The following ITGB4 variants were observed in gnomAD, a reference collection of about 807,000 sequenced individuals.
ITGB4 encodes the protein integrin beta-4.
A neutral mutation model predicts 207.6 loss-of-function variants in ITGB4; 159 were observed. The observed-to-expected ratio is 0.77, with a 90% CI of 0.67 to 0.87. ITGB4 has a LOEUF of 0.87. ITGB4 is among the 40% of genes least tolerant of loss of function. The probability of loss-of-function intolerance (pLI) is 0.00; values close to 1 mark genes in which losing one functional copy is unlikely to be tolerated. For synonymous variants in ITGB4, 1,020 were observed against 1,062.7 expected, an observed-to-expected ratio of 0.96 and a Z score of 0.78; for missense variants, 2,278 against 2,546.8, an observed-to-expected ratio of 0.89 and a Z score of 2.27.
In ITGB4 at chr17:75,740,429, T is replaced by C. The variant is rs764040932; in HGVS notation, c.2518T>C (p.Cys840Arg). ...CCTGCTGAAGCCTGACACTCGGGAGTGCGCCCAGCTGCGCCAGGAGGTGGA... is the reference window on the plus strand; with the variant it reads ...CCTGCTGAAGCCTGACACTCGGGAGCGCGCCCAGCTGCGCCAGGAGGTGGA... ...ENLLKPDTRECAQLRQEVEEN... is the reference protein window; with the variant it reads ...ENLLKPDTRERAQLRQEVEEN... Residue 840 changes from cysteine to arginine, a missense_variant, in exon 21 of 40, where the codon TGC becomes CGC. Cys to Arg is a radical substitution (Grantham distance 180). Transcript: ENST00000200181. The surrounding 1 kb of genome is among the most constrained non-coding windows in gnomAD (Gnocchi z 5.9). The C allele has an allele frequency of 2.1e-5, 34 of 1,611,246 alleles. No individual in the cohort carries two copies. Among genetic ancestry groups the C allele is most frequent in the Middle Eastern group, 1.6e-4 (1 of 6,076 alleles).
intron 2 of ITGB4, among the ~76,000 whole-genome samples, chr17:75,725,574 A>G (rs187921814): frequency 8.7e-4 from 133 of 152,316 alleles, no homozygotes; most frequent in Non-Finnish European, 5.1e-4. Context: ...TCGGCTTCCC[A>G]AAGTGCTGGG....
chr17:75,756,566 A>G lies in ITGB4; in HGVS notation c.4846A>G (p.Ile1616Val). ...EGWGREREGV[I>V]TIESQVHPQS... Reference sequence around the variant, plus strand: ...CTGGGGCCGAGAGCGTGAGGGTGTCATCACCATTGAATCCCAGGTGCACCC... The same window carrying G: ...CTGGGGCCGAGAGCGTGAGGGTGTCGTCACCATTGAATCCCAGGTGCACCC... Residue 1616 changes from isoleucine to valine, a missense_variant, in exon 36 of 40, where the codon ATC (isoleucine) becomes GTC (valine). Coordinates refer to ENST00000200181, the MANE Select transcript of ITGB4 (RefSeq NM_000213.5). 1.2e-6 allele frequency: 2 copies of G among 1,613,192 alleles called. No homozygotes were observed. Among genetic ancestry groups the G allele is most frequent in the Non-Finnish European group, 8.5e-7 (1 of 1,180,004 alleles).
At position 75,754,961 on chromosome 17, in the gene ITGB4, C is replaced by CACAT. The variant is rs3988219; in HGVS notation, c.4558+146_4558+147insACAT. Reference sequence around the variant, plus strand: ...ACACATGCACGCACACACGTGCACACGCATGCACACATGTACACAGACATG... The same window carrying CACAT: ...ACACATGCACGCACACACGTGCACACACATGCATGCACACATGTACACAGACATG... On this transcript the variant is annotated intron_variant, in intron 34 of 39. Transcript: ENST00000200181. 0.78 allele frequency: 1,187,302 copies of CACAT among 1,530,340 alleles called. 464,983 individuals are homozygous for CACAT. The highest frequency in any genetic ancestry group is 0.81 in the Non-Finnish European group (900,911 of 1,114,320). 94.8% of individuals were successfully genotyped at this position (1,530,340 alleles called of 1,614,324 possible). A position where few individuals can be genotyped will look rare whatever the true frequency, so the allele number is the denominator to read the frequency against.
rs1427099711 is a variant in ITGB4 at position 75,754,755 on chromosome 17, C to T, written c.4498C>T (p.His1500Tyr). 4 of 1,612,582 alleles carry T rather than the reference C, an allele frequency of 2.5e-6. No individual in the cohort carries two copies. In the African/African-American group the frequency reaches 4.0e-5, roughly 16 times the overall value. ...RDYNSLTRSE[H>Y]SHSTTLPRDY... ...CTACAACTCACTGACCCGCTCAGAA[C>T]ACTCACACTCGACCACACTGCCCAG... Residue 1500 changes from histidine to tyrosine, a missense_variant, in exon 34 of 40, where the codon CAC becomes TAC. Coordinates refer to ENST00000200181, the MANE Select transcript of ITGB4 (RefSeq NM_000213.5).
chr17:75,731,180 C>T lies in ITGB4; in HGVS notation c.1093-66C>T. On this transcript the variant is annotated intron_variant, in intron 9 of 39. Coordinates refer to ENST00000200181, the MANE Select transcript of ITGB4 (RefSeq NM_000213.5). This position sits in a 1 kb window ranked among gnomAD's most constrained non-coding sequence, Gnocchi z 6.8. ...GATACCCCGCATGATGCCAGCCACACTTGGAGGTTGGGGTGGAGCACAGAG... is the reference window on the plus strand; with the variant it reads ...GATACCCCGCATGATGCCAGCCACATTTGGAGGTTGGGGTGGAGCACAGAG... The T allele has an allele frequency of 6.2e-7, 1 of 1,611,522 alleles. No individual in the cohort carries two copies. Among genetic ancestry groups the T allele is most frequent in the Non-Finnish European group, 8.5e-7 (1 of 1,179,100 alleles).
At position 75,732,361 on chromosome 17, in the gene ITGB4, C is replaced by A; in HGVS notation, c.1454+122C>A. The A allele has an allele frequency of 1.1e-6, 1 of 939,470 alleles. No individual in the cohort carries two copies. The highest frequency in any genetic ancestry group is 1.7e-6 in the Non-Finnish European group (1 of 589,576). 58.2% of individuals were successfully genotyped at this position (939,470 alleles called of 1,614,324 possible). A position where few individuals can be genotyped will look rare whatever the true frequency, so the allele number is the denominator to read the frequency against. ...ACCTGGCTGGGGGTGGGGCGGCAAT[C>A]AAAGAAACGGCTAAGGGCGGGGCAC... On this transcript the variant is annotated intron_variant, in intron 12 of 39. Coordinates refer to ENST00000200181, the MANE Select transcript of ITGB4 (RefSeq NM_000213.5). This position sits in a 1 kb window ranked among gnomAD's most constrained non-coding sequence, Gnocchi z 5.3.
chr17:75,737,038 G>A (rs907260723), intron 16 of ITGB4, among the ~76,000 whole-genome samples: 4 of 152,130 alleles, frequency 2.6e-5, no homozygotes, highest in Non-Finnish European at 5.9e-5. Context: ...TCCCCTCCTC[G>A]AGATCAGATA....
At position 75,756,421 on chromosome 17, in the gene ITGB4, C is replaced by G; in HGVS notation, c.4709-8C>G. On this transcript the variant is annotated splice_polypyrimidine_tract_variant and splice_region_variant and intron_variant, in intron 35 of 39. Coordinates refer to ENST00000200181, the MANE Select transcript of ITGB4 (RefSeq NM_000213.5). ...GCACTACTGTGTGCCCCCACCTGAT[C>G]CCCCCAGGTGAGCTGCATCGGCTCA... 4 of 1,611,086 alleles carry G rather than the reference C, an allele frequency of 2.5e-6. No homozygotes were observed. Among genetic ancestry groups the G allele is most frequent in the Non-Finnish European group, 3.4e-6 (4 of 1,179,552 alleles).
At chr17:75,728,858 C>T (rs2060785274) in intron 6 of ITGB4, among the ~76,000 whole-genome samples, 1 of 152,066 alleles carries the variant, frequency 6.6e-6, no homozygotes, top group South Asian at 2.1e-4. Flanking sequence ...ATGGTGGGCA[C>T]CGGTAGTCCC....
rs760130077 is a variant in ITGB4, at chr17:75,740,424, G to T, written c.2513G>T (p.Arg838Leu). The T allele has an allele frequency of 6.2e-7, 1 of 1,613,892 alleles. No individual in the cohort carries two copies. The highest frequency in any genetic ancestry group is 8.5e-7 in the Non-Finnish European group (1 of 1,180,016). Residue 838 changes from arginine to leucine, a missense_variant, in exon 21 of 40, where the codon CGG (arginine) becomes CTG (leucine). Physicochemically the swap from Arg to Leu is moderately radical, Grantham distance 102 (BLOSUM62 -2). Coordinates refer to ENST00000200181, the MANE Select transcript of ITGB4 (RefSeq NM_000213.5). The surrounding 1 kb of genome is among the most constrained non-coding windows in gnomAD (Gnocchi z 5.9). Reference protein sequence around the residue: ...CTENLLKPDTRECAQLRQEVE... With the variant: ...CTENLLKPDTLECAQLRQEVE... ...GAGAACCTGCTGAAGCCTGACACTC[G>T]GGAGTGCGCCCAGCTGCGCCAGGAG...
rs772344759 is a variant in ITGB4 at position 75,752,282 on chromosome 17, G to GC, written c.3903dup (p.Asn1302GlnfsTer8). On this transcript the variant is annotated frameshift_variant, in exon 31 of 40. Transcript: ENST00000200181. LOFTEE classifies it high-confidence loss of function. ...CCCTACCGCTACACGGTGAAGGCGC[G>GC]CAACGGGGCCGGCTGGGGGCCTGAG... 1.9e-5 allele frequency: 31 copies of GC among 1,613,256 alleles called. No individual in the cohort carries two copies. The highest frequency in any genetic ancestry group is 2.5e-5 in the Non-Finnish European group (30 of 1,180,044).
Position 75,752,325 on chromosome 17 carries a change from C to T in ITGB4, c.3945C>T (p.Asn1315=), listed in dbSNP as rs751864733. 2.1e-5 allele frequency: 34 copies of T among 1,612,746 alleles called. No homozygotes were observed. Among genetic ancestry groups the T allele is most frequent in the Non-Finnish European group, 2.7e-5 (32 of 1,179,838 alleles). The stretch of plus-strand genomic sequence containing the variant: ...GGCCTGAGCGGGAGGCCATCATCAA[C>T]CTGGCCACCCAGCCCAAGAGGCCCA... ...GWGPEREAII[N]LATQPKRPMS... Residue 1315 remains asparagine, a synonymous_variant, in exon 31 of 40, where the codon AAC becomes AAT. Coordinates refer to ENST00000200181, the MANE Select transcript of ITGB4 (RefSeq NM_000213.5).
chr17:75,757,351 A>G (rs370070159), intron 39 of ITGB4, 41 bp downstream of exon 39: 42 of 1,612,538 alleles, frequency 2.6e-5, no homozygotes, highest in Non-Finnish European at 3.5e-5. Context: ...CTCCTGGGAC[A>G]GGGAGCTAGC....
At chr17:75,735,466 G>T (rs3862482) in intron 13 of ITGB4, among the ~76,000 whole-genome samples, 63,263 of 141,982 alleles carry the variant, frequency 0.45, 16,351 homozygotes, top group Non-Finnish European at 0.57. Context: ...AGGCTGGAGT[G>T]CAGTGGCGTG....
At position 75,757,024 on chromosome 17, in the gene ITGB4, A is replaced by T; in HGVS notation, c.5135A>T (p.Tyr1712Phe). Residue 1712 changes from tyrosine to phenylalanine, a missense_variant, in exon 38 of 40, where the codon TAC becomes TTC. Physicochemically the swap from Tyr to Phe is conservative, Grantham distance 22 (BLOSUM62 3). Coordinates refer to ENST00000200181, the MANE Select transcript of ITGB4 (RefSeq NM_000213.5). The part of the protein sequence containing the change: ...TVPGLSENVP[Y>F]KFKVQARTTE... ...CCGGGCCTCAGCGAGAACGTGCCCT[A>T]CAAGTTCAAGGTGCAGGCCAGGACC... 6.2e-7 allele frequency: 1 copy of T among 1,612,922 alleles called. No individual in the cohort carries two copies. Among genetic ancestry groups the T allele is most frequent in the Non-Finnish European group, 8.5e-7 (1 of 1,179,942 alleles).
In ITGB4 at chr17:75,727,286, C is replaced by G; in HGVS notation, c.162+9C>G. On this transcript the variant is annotated intron_variant, in intron 3 of 39. Coordinates refer to ENST00000200181, the MANE Select transcript of ITGB4 (RefSeq NM_000213.5). This position sits in a 1 kb window ranked among gnomAD's most constrained non-coding sequence, Gnocchi z 6.0. ...CCTACTGCACAGACGAGGTGAGGAC[C>G]TGGCCCGGGTTGGTGTGGAACAGGC... 6.2e-7 allele frequency: 1 copy of G among 1,613,782 alleles called. No individual in the cohort carries two copies. Among genetic ancestry groups the G allele is most frequent in the South Asian group, 1.1e-5 (1 of 90,998 alleles).
intron 18 of ITGB4, among the ~76,000 whole-genome samples, chr17:75,738,010 C>T (rs981789145): frequency 6.6e-6 from 1 of 152,168 alleles, no homozygotes; most frequent in Non-Finnish European, 1.5e-5. Context: ...GGCTTCAGCC[C>T]GTAGAGTCCA....
rs369461189 is a variant in ITGB4, at chr17:75,752,165, C to T, written c.3794-9C>T. On this transcript the variant is annotated splice_polypyrimidine_tract_variant and intron_variant, in intron 30 of 39. Coordinates refer to ENST00000200181, the MANE Select transcript of ITGB4 (RefSeq NM_000213.5). ...TGGGTGACCCTCTGAAGCACTCTCT[C>T]TGCCCCAGGACCTATTGGGCCCATG... 1.2e-4 allele frequency: 199 copies of T among 1,613,778 alleles called. No individual in the cohort carries two copies. The highest frequency in any genetic ancestry group is 1.6e-4 in the Non-Finnish European group (190 of 1,179,968).
rs1053137855 is a variant in ITGB4 at position 75,742,799 on chromosome 17, G to T, written c.2962+38G>T. 1.1e-5 allele frequency: 17 copies of T among 1,575,302 alleles called. No homozygotes were observed. Among genetic ancestry groups the T allele is most frequent in the Non-Finnish European group, 1.5e-5 (17 of 1,163,024 alleles). On this transcript the variant is annotated intron_variant, in intron 25 of 39. Transcript: ENST00000200181. This position sits in a 1 kb window ranked among gnomAD's most constrained non-coding sequence, Gnocchi z 5.9. Reference sequence around the variant, plus strand: ...GGGGAGAGTGGGGAAGGCAGACGGGGGCTCGGGGGCACTGGTTCCTCCTGC... The same window carrying T: ...GGGGAGAGTGGGGAAGGCAGACGGGTGCTCGGGGGCACTGGTTCCTCCTGC...
Sources: gnomAD v4.1 joint callset for allele counts (sites outside exome capture counted in the v4.1 genomes callset) on GRCh38, gnomAD v4.1.1 for gene constraint, Gnocchi (gnomAD v3.1) non-coding constraint, MANE v1.5 for transcripts, NCBI Gene and HGNC (gene_info 2026-07-23, HGNC 2026-07-21) for gene names.